Variants in SLC39A11 observed in about 807,000 individuals in gnomAD.
SLC39A11 encodes the protein zinc transporter ZIP11.
Under a neutral mutation model 36.1 loss-of-function variants are expected in SLC39A11, and 33 were observed. The ratio of observed to expected loss-of-function variants is 0.91; its 90% confidence interval spans 0.69 to 1.22. The LOEUF is 1.22. SLC39A11 is among the 50% of genes most tolerant of loss of function. The pLI, the probability that SLC39A11 is intolerant of heterozygous loss-of-function variation, is 0.00. For missense variants in SLC39A11, 432 were observed against 430.3 expected, an observed-to-expected ratio of 1.00 and a Z score of -0.03; for synonymous variants, 166 against 170.3, an observed-to-expected ratio of 0.97 and a Z score of 0.20.
chr17:72,849,542 A>G lies in SLC39A11; in HGVS notation c.601+92T>C, dbSNP rs535224851. 3.7e-6 allele frequency: 5 copies of G among 1,347,888 alleles called. No homozygotes were observed. In the African/African-American group the frequency reaches 5.9e-5, roughly 16 times the overall value. The allele number at this position is 1,347,888 out of a possible 1,614,324, so 83.5% of individuals were successfully genotyped here. A position where few individuals can be genotyped will look rare whatever the true frequency, so the allele number is the denominator to read the frequency against. On this transcript the variant is annotated intron_variant, in intron 6 of 9. Transcript: ENST00000255559. ...CTCTCCAAAAAGGACCCACGTCACA[A>G]TTGCCCCTTCCCCTTTTCCAGCCAG... is the stretch of plus-strand genomic sequence containing the variant.
intron 4 of SLC39A11, among the ~76,000 whole-genome samples, chr17:73,010,958 T>C (rs2090476440): frequency 6.6e-6 from 1 of 152,238 alleles, no homozygotes; most frequent in African/African-American, 2.4e-5. Context: ...TATTCTTTCA[T>C]TGATTCATTC....
rs371451616 is a variant in SLC39A11 at position 72,987,234 on chromosome 17, C to T, written c.307-39359G>A. On this transcript the variant is annotated intron_variant, in intron 4 of 9. Coordinates refer to ENST00000255559, the MANE Select transcript of SLC39A11 (RefSeq NM_139177.4). Reference sequence around the variant, plus strand: ...AGCTTCTTGAGGCCCTCCCCAGAAGCAGATGCTGGCACTATGCTTCTTATA... The same window carrying T: ...AGCTTCTTGAGGCCCTCCCCAGAAGTAGATGCTGGCACTATGCTTCTTATA... Among the ~76,000 whole-genome samples, 63 of 152,344 alleles carry T rather than the reference C, an allele frequency of 4.1e-4. 2 individuals carry two copies. The South Asian group carries it at 0.012, about 29-fold the overall frequency.
At chr17:72,873,008 C>A (rs985947119) in intron 5 of SLC39A11, among the ~76,000 whole-genome samples, 2 of 148,378 alleles carry the variant, frequency 1.3e-5, no homozygotes, top group Admixed American at 6.8e-5. Flanking sequence ...GAGCCGAGAT[C>A]GCGCCACTGC....
chr17:72,994,037 T>C (rs1055794541), intron 4 of SLC39A11, among the ~76,000 whole-genome samples: 3 of 152,210 alleles, frequency 2.0e-5, no homozygotes, highest in South Asian at 2.1e-4. Flanking sequence ...GAACTACATA[T>C]TTAGCCTCAC....
intron 5 of SLC39A11, among the ~76,000 whole-genome samples, chr17:72,893,851 G>A (rs555410956): frequency 1.9e-4 from 29 of 152,220 alleles, no homozygotes; most frequent in African/African-American, 7.0e-4. Context: ...GTTCTCCTAG[G>A]TGACTAAGGC....
intron 6 of SLC39A11, among the ~76,000 whole-genome samples, chr17:72,784,272 G>A (rs980221592): frequency 6.6e-6 from 1 of 152,140 alleles, no homozygotes; most frequent in Admixed American, 6.5e-5. Flanking sequence ...TTGAACCCGG[G>A]AGGCATAGGT....
At chr17:72,868,618 CAAAAAAAAAAAAAAAA>C (rs71354894) in intron 5 of SLC39A11, among the ~76,000 whole-genome samples, 30 of 56,482 alleles carry the variant, frequency 5.3e-4, no homozygotes, top group South Asian at 2.0e-3. Context: ...CCTGTCTCTA[CAAAAAAAAAAAAAAAA>C]AAAAAAAAAA....
chr17:73,021,039 A>C (rs1176396925), intron 4 of SLC39A11, among the ~76,000 whole-genome samples: 1 of 151,906 alleles, frequency 6.6e-6, no homozygotes, highest in Non-Finnish European at 1.5e-5. Flanking sequence ...CCCTCCCATG[A>C]ATTGGCCAAA....
chr17:73,019,842 G>A (rs1473928445), intron 4 of SLC39A11, among the ~76,000 whole-genome samples: 1 of 152,042 alleles, frequency 6.6e-6, no homozygotes, highest in Non-Finnish European at 1.5e-5. Context: ...TGGACTAGAT[G>A]AAAAAGTAAA....
At chr17:73,085,924 G>A (rs370260828) in intron 2 of SLC39A11, among the ~76,000 whole-genome samples, 1 of 152,136 alleles carries the variant, frequency 6.6e-6, no homozygotes, top group East Asian at 1.9e-4. Flanking sequence ...CGATGGGAAC[G>A]CACACACATA....
At chr17:72,995,159 C>A (rs1171980390) in intron 4 of SLC39A11, among the ~76,000 whole-genome samples, 1 of 152,198 alleles carries the variant, frequency 6.6e-6, no homozygotes, top group Non-Finnish European at 1.5e-5. Context: ...CTTTAGCCCT[C>A]CCTGCAACCA....
chr17:72,850,250 A>G (rs2079243637), intron 5 of SLC39A11, among the ~76,000 whole-genome samples: 1 of 151,172 alleles, frequency 6.6e-6, no homozygotes, highest in Non-Finnish European at 1.5e-5. Context: ...GGAGTTCGAG[A>G]CCAGCCTGGG....
intron 6 of SLC39A11, among the ~76,000 whole-genome samples, chr17:72,811,495 G>C (rs995544008): frequency 6.6e-6 from 1 of 152,150 alleles, no homozygotes. Flanking sequence ...AAATCCACCT[G>C]GATCTCAGAA....
At chr17:73,040,999 A>G (rs556293766) in intron 3 of SLC39A11, among the ~76,000 whole-genome samples, 1 of 141,130 alleles carries the variant, frequency 7.1e-6, no homozygotes, top group African/African-American at 3.0e-5. Context: ...AAAAAACAAA[A>G]AACAAAAAAC....
intron 3 of SLC39A11, among the ~76,000 whole-genome samples, chr17:73,044,375 A>G (rs1445554991): frequency 6.6e-6 from 1 of 152,274 alleles, no homozygotes; most frequent in Non-Finnish European, 1.5e-5. Context: ...AAAAGGGAAC[A>G]AACTACTATC....
chr17:72,929,191 C>T (rs902635866), intron 5 of SLC39A11, among the ~76,000 whole-genome samples: 10 of 152,184 alleles, frequency 6.6e-5, no homozygotes, highest in African/African-American at 2.2e-4. Flanking sequence ...TCCTGCCCTA[C>T]CCTATCTGCT....
At chr17:72,736,783 C>T (rs879224765) in intron 6 of SLC39A11, 64 bp from the exon 7 acceptor site, 1 of 1,260,064 alleles carries the variant, frequency 7.9e-7, no homozygotes, top group African/African-American at 1.5e-5. Context: ...ACATCACCAT[C>T]ACTGTCACTG....
intron 4 of SLC39A11, among the ~76,000 whole-genome samples, chr17:73,003,465 G>A (rs1156542908): frequency 6.6e-6 from 1 of 152,184 alleles, no homozygotes; most frequent in African/African-American, 2.4e-5. Flanking sequence ...ACAGAAAAGG[G>A]ATGAGACTAG....
intron 4 of SLC39A11, among the ~76,000 whole-genome samples, chr17:73,020,691 T>C (rs549943525): frequency 4.8e-4 from 65 of 136,170 alleles, no homozygotes; most frequent in African/African-American, 1.6e-3. Context: ...TTTTTTTTTT[T>C]TTTTTTTTTT....
Sources: gnomAD v4.1 joint callset for allele counts (sites outside exome capture counted in the v4.1 genomes callset) on GRCh38, gnomAD v4.1.1 for gene constraint, MANE v1.5 for transcripts, NCBI Gene and HGNC (gene_info 2026-07-23, HGNC 2026-07-21) for gene names.